Variants in FAT3 observed in about 807,000 individuals in gnomAD.
FAT3 encodes the protein FAT atypical cadherin 3.
A neutral mutation model predicts 310.2 loss-of-function variants in FAT3; 95 were observed. The ratio of observed to expected loss-of-function variants is 0.31; its 90% CI spans 0.26 to 0.36. The LOEUF (loss-of-function observed/expected upper bound fraction) is 0.36, where lower values mean the gene tolerates loss of function less well. Ranked by LOEUF, FAT3 falls within the 10% of genes least tolerant of loss-of-function variation. FAT3 has a pLI of 1.00. For missense variants in FAT3, 5,408 were observed against 5,715.6 expected (o/e 0.95, Z 1.74); for synonymous variants, 2,314 against 2,192.9 (o/e 1.06, Z -1.54).
At position 92,352,457 on chromosome 11, in the gene FAT3, C is replaced by T. The variant is rs76685441; in HGVS notation, c.345C>T (p.Ala115=). The T allele has an allele frequency of 4.2e-3, 6,784 of 1,612,444 alleles. 22 individuals carry two copies. The highest frequency in any genetic ancestry group is 5.7e-3 in the Admixed American group (343 of 59,922). ...TAAGAACTAAAGGTGGCAATTCTGC[C>T]ATATTAAATAGGGAAATCCAGGATA... ...LRIRTKGGNS[A]ILNREIQDNY... Residue 115 remains alanine, a synonymous_variant, in exon 2 of 28, where the codon GCC becomes GCT. Coordinates refer to ENST00000525166, the MANE Select transcript of FAT3 (RefSeq NM_001367949.2).
intron 19 of FAT3, among the ~76,000 whole-genome samples, chr11:92,853,189 G>T (rs1005351171): frequency 2.0e-5 from 3 of 152,226 alleles, no homozygotes; most frequent in Non-Finnish European, 4.4e-5. Flanking sequence ...AGCAAGCATG[G>T]GGTTCGGCCA....
chr11:92,321,391 C>T (rs1014449980), intron 1 of FAT3, among the ~76,000 whole-genome samples: 5 of 150,948 alleles, frequency 3.3e-5, no homozygotes, highest in South Asian at 2.1e-4. Flanking sequence ...GAGCCGAGAT[C>T]GCGCCACTGC....
rs111669669 is a variant in FAT3 at position 92,669,744 on chromosome 11, A to G, written c.3608-27640A>G. On this transcript the variant is annotated intron_variant, in intron 3 of 27. Coordinates refer to ENST00000525166, the MANE Select transcript of FAT3 (RefSeq NM_001367949.2). ...AATCCTAGTTTCCAATTCCAGCCCA[A>G]TCACTTCTAGCCACAGGCCCTGGGA... 2.3e-3 allele frequency among the ~76,000 whole-genome samples: 351 copies of G among 152,286 alleles called. 1 individual carries two copies. The highest frequency in any genetic ancestry group is 2.6e-3 in the Non-Finnish European group (177 of 68,004).
intron 21 of FAT3, 55 bp downstream of exon 21, chr11:92,859,377 C>T: frequency 1.4e-6 from 2 of 1,417,698 alleles, no homozygotes; most frequent in East Asian, 2.6e-5. Context: ...AGTGTTTTGG[C>T]TCTTGGATTG....
At chr11:92,667,449 A>G (rs961271161) in intron 3 of FAT3, among the ~76,000 whole-genome samples, 2 of 152,142 alleles carry the variant, frequency 1.3e-5, no homozygotes, top group South Asian at 2.1e-4. Flanking sequence ...TCACCACACC[A>G]TCATCACCCC....
intron 2 of FAT3, among the ~76,000 whole-genome samples, chr11:92,487,341 C>T (rs554874813): frequency 2.0e-4 from 31 of 152,212 alleles, no homozygotes; most frequent in South Asian, 1.5e-3. Flanking sequence ...TATTACTATT[C>T]TAGATATCAG....
chr11:92,867,727 T>C (rs1286727172), intron 22 of FAT3, among the ~76,000 whole-genome samples: 2 of 152,196 alleles, frequency 1.3e-5, no homozygotes, highest in African/African-American at 4.8e-5. Context: ...TCTTGGAACA[T>C]ACTTTTGCAA....
intron 3 of FAT3, among the ~76,000 whole-genome samples, chr11:92,686,516 C>T (rs1204604980): frequency 1.3e-5 from 2 of 152,050 alleles, no homozygotes; most frequent in Non-Finnish European, 2.9e-5. Context: ...GTTATATATT[C>T]TCAGACAGGT....
intron 22 of FAT3, among the ~76,000 whole-genome samples, chr11:92,872,763 A>C (rs1234945947): frequency 6.6e-6 from 1 of 152,218 alleles, no homozygotes; most frequent in Non-Finnish European, 1.5e-5. Flanking sequence ...CTAGGGAAAA[A>C]GTCTCACCTT....
intron 3 of FAT3, among the ~76,000 whole-genome samples, chr11:92,598,946 C>T (rs1939863995): frequency 6.6e-6 from 1 of 152,168 alleles, no homozygotes. Flanking sequence ...GTCAGCTCCT[C>T]TCATAATCGT....
chr11:92,312,913 T>G (rs1269872412), intron 1 of FAT3, among the ~76,000 whole-genome samples: 4 of 152,174 alleles, frequency 2.6e-5, no homozygotes, highest in Non-Finnish European at 5.9e-5. Context: ...TACGGGCAAA[T>G]TCTGGGGAAA....
intron 2 of FAT3, among the ~76,000 whole-genome samples, chr11:92,435,065 T>C (rs1395500864): frequency 6.6e-6 from 1 of 151,830 alleles, no homozygotes; most frequent in Non-Finnish European, 1.5e-5. Context: ...CAGCATGGAG[T>C]TTATATAGCA....
intron 3 of FAT3, among the ~76,000 whole-genome samples, chr11:92,586,102 A>G (rs1275603082): frequency 6.6e-6 from 1 of 152,056 alleles, no homozygotes; most frequent in East Asian, 1.9e-4. Context: ...AGGATGTTTC[A>G]GATAGAAAAG....
At chr11:92,347,422 G>A (rs1363810329) in intron 1 of FAT3, among the ~76,000 whole-genome samples, 1 of 152,160 alleles carries the variant, frequency 6.6e-6, no homozygotes, top group Non-Finnish European at 1.5e-5. Context: ...TAGGAAGAGA[G>A]GGAATGAAAA....
intron 3 of FAT3, among the ~76,000 whole-genome samples, chr11:92,649,049 C>T (rs1942273264): frequency 6.6e-6 from 1 of 152,100 alleles, no homozygotes; most frequent in Non-Finnish European, 1.5e-5. Flanking sequence ...ATGCACCTGC[C>T]CAGTGAGGCA....
chr11:92,458,168 A>C (rs1048741427), intron 2 of FAT3, among the ~76,000 whole-genome samples: 9 of 152,278 alleles, frequency 5.9e-5, no homozygotes, highest in Non-Finnish European at 1.5e-5. Flanking sequence ...AGACTATGGT[A>C]TTCCAGCTCA....
At chr11:92,795,896 A>G (rs1947158467) in intron 9 of FAT3, among the ~76,000 whole-genome samples, 1 of 152,100 alleles carries the variant, frequency 6.6e-6, no homozygotes, top group South Asian at 2.1e-4. Context: ...TGACAGAGCG[A>G]GACTCCATCT....
At position 92,288,741 on chromosome 11, in the gene FAT3, A is replaced by C. The variant is rs1472314217; in HGVS notation, c.-17-63355A>C. Among the ~76,000 whole-genome samples the C allele has an allele frequency of 2.0e-5, 3 of 152,258 alleles. No homozygotes were observed. The East Asian group carries it at 5.8e-4, about 29-fold the overall frequency. On this transcript the variant is annotated intron_variant, in intron 1 of 27. Transcript: ENST00000525166. ...TGAAGACAAGGATTTTGTTTAAACT[A>C]AAATAAACCTATGGTATCTAAAATT...
intron 2 of FAT3, among the ~76,000 whole-genome samples, chr11:92,442,103 A>ATTTTTTT (rs1324843422): frequency 4.1e-4 from 6 of 14,598 alleles, no homozygotes; most frequent in African/African-American, 9.9e-4. Context: ...ATATATATAT[A>ATTTTTTT]TATATATATT....
Sources: gnomAD v4.1 joint callset for allele counts (sites outside exome capture counted in the v4.1 genomes callset) on GRCh38, gnomAD v4.1.1 for gene constraint, MANE v1.5 for transcripts, NCBI Gene and HGNC (gene_info 2026-07-23, HGNC 2026-07-21) for gene names.